Variants in SLC23A3 observed in about 807,000 individuals in gnomAD.
SLC23A3 encodes E2-binding protein 3.
A neutral mutation model predicts 64.7 loss-of-function variants in SLC23A3; 41 were observed. That is an observed-to-expected ratio of 0.63 (90% CI 0.49 to 0.82). SLC23A3 has a LOEUF of 0.82. SLC23A3 is among the 40% of genes least tolerant of loss of function. The probability of loss-of-function intolerance (pLI) is 0.00; values close to 1 mark genes in which losing one functional copy is unlikely to be tolerated. For synonymous variants in SLC23A3, 281 were observed against 306.8 expected (o/e 0.92, Z 0.88); for missense variants, 647 against 733.4 (o/e 0.88, Z 1.36).
Position 219,162,021 on chromosome 2 carries a change from G to A in SLC23A3, c.1721C>T (p.Pro574Leu). Residue 574 changes from proline (P) to leucine (L), a missense_variant, in exon 12 of 12, where the codon CCT becomes CTT. Physicochemically the swap from Pro to Leu is moderately conservative, Grantham distance 98. Transcript: ENST00000409878. ...AGAGGAGCCTCCTTCCTCATCCCCA[G>A]GGTCTTCAGGCAGTGGGCAGAGGCA... ...LHCLCPLPEDPGDEEGGSSEP... is the reference protein window; with the variant it reads ...LHCLCPLPEDLGDEEGGSSEP... 1 of 1,614,174 alleles carries A rather than the reference G, an allele frequency of 6.2e-7. No homozygotes were observed. The highest frequency in any genetic ancestry group is 8.5e-7 in the Non-Finnish European group (1 of 1,180,022).
Position 219,165,159 on chromosome 2 carries a change from G to T in SLC23A3, c.1167+10C>A. On this transcript the variant is annotated intron_variant, in intron 8 of 11. Coordinates refer to ENST00000409878, the MANE Select transcript of SLC23A3 (RefSeq NM_001144889.2). ...CCATCCTACCCCACTCCCATCCCAG[G>T]TCCACGTACCTGGATAAGACCCACT... The T allele has an allele frequency of 6.4e-7, 1 of 1,551,324 alleles. No homozygotes were observed. The highest frequency in any genetic ancestry group is 1.2e-5 in the South Asian group (1 of 84,004).
At chr2:219,165,687 T>C (rs751806202) in intron 7 of SLC23A3, among the ~76,000 whole-genome samples, 3 of 149,456 alleles carry the variant, frequency 2.0e-5, no homozygotes, top group Non-Finnish European at 4.4e-5. Context: ...ACACTGGCCT[T>C]GTTGTAGGCC....
chr2:219,162,227 G>T, intron 11 of SLC23A3, 23 bp from the exon 12 acceptor site: 1 of 1,612,756 alleles, frequency 6.2e-7, no homozygotes, highest in Non-Finnish European at 8.5e-7. Flanking sequence ...GGTTTGTCAG[G>T]CTATTGCCCA....
At chr2:219,165,589 G>T (rs1949998115) in intron 7 of SLC23A3, among the ~76,000 whole-genome samples, 167 bp from the exon 8 acceptor site, 1 of 152,192 alleles carries the variant, frequency 6.6e-6, no homozygotes, top group Non-Finnish European at 1.5e-5. Flanking sequence ...CTTTACCATG[G>T]TCTACAAGGT....
intron 8 of SLC23A3, 147 bp from the exon 9 acceptor site, chr2:219,164,485 C>T (rs1949984863): frequency 1.7e-6 from 1 of 590,794 alleles, no homozygotes; most frequent in African/African-American, 1.9e-5. Flanking sequence ...CTAAACGTGC[C>T]TCCTTTCCAT....
Position 219,163,438 on chromosome 2 carries a change from GC to G in SLC23A3, c.1390del (p.Ala464ProfsTer30). On this transcript the variant is annotated frameshift_variant, in exon 10 of 12. Coordinates refer to ENST00000409878, the MANE Select transcript of SLC23A3 (RefSeq NM_001144889.2). LOFTEE classifies it high-confidence loss of function. ...IFIVGFSIFM[A>X]LLLPRWFREA... ...CCGAAACCATCTTGGCAGCAGCAAG[GC>G]CATGAAGATGGAGAAGCCCACAATG... is the stretch of plus-strand genomic sequence containing the variant. 1 of 1,614,194 alleles carries G rather than the reference GC, an allele frequency of 6.2e-7. No individual in the cohort carries two copies.
Position 219,168,048 on chromosome 2 carries a change from A to G in SLC23A3, c.799-4T>C, listed in dbSNP as rs774944507. On this transcript the variant is annotated splice_region_variant and splice_polypyrimidine_tract_variant and intron_variant, in intron 6 of 11. Coordinates refer to ENST00000409878, the MANE Select transcript of SLC23A3 (RefSeq NM_001144889.2). The stretch of plus-strand genomic sequence containing the variant: ...CACAGGCCACTGGGATCAGCACCTG[A>G]GGGGCGAGACTGAGAAAAGAACTCC... 102 of 1,576,652 alleles carry G rather than the reference A, an allele frequency of 6.5e-5. No individual in the cohort carries two copies. Among genetic ancestry groups the G allele is most frequent in the Non-Finnish European group, 8.5e-5 (99 of 1,165,352 alleles).
intron 11 of SLC23A3, 32 bp from the exon 12 acceptor site, chr2:219,162,236 C>T: frequency 6.2e-7 from 1 of 1,612,956 alleles, no homozygotes; most frequent in Non-Finnish European, 8.5e-7. Flanking sequence ...GGCTATTGCC[C>T]ATCCCAGGGA....
chr2:219,168,097 C>T, intron 6 of SLC23A3, 53 bp from the exon 7 acceptor site: 2 of 1,570,506 alleles, frequency 1.3e-6, no homozygotes, highest in Non-Finnish European at 1.7e-6. Context: ...TCTGAGCCAG[C>T]CTTGCAGGGG....
chr2:219,168,526 C>A, intron 5 of SLC23A3, 126 bp downstream of exon 5: 2 of 1,162,298 alleles, frequency 1.7e-6, no homozygotes, highest in South Asian at 1.6e-5. Flanking sequence ...GTCTTGGATT[C>A]CAAATATAAA....
chr2:219,163,475 G>T lies in SLC23A3; in HGVS notation c.1354C>A (p.Arg452=), dbSNP rs368233276. 6.2e-7 allele frequency: 1 copy of T among 1,614,002 alleles called. No individual in the cohort carries two copies. Among genetic ancestry groups the T allele is most frequent in the South Asian group, 1.1e-5 (1 of 91,092 alleles). Residue 452 remains arginine (R), a synonymous_variant, in exon 10 of 12, where the codon CGA becomes AGA. Coordinates refer to ENST00000409878, the MANE Select transcript of SLC23A3 (RefSeq NM_001144889.2). Reference sequence around the variant, plus strand: ...GAGAAGCCCACAATGAAGATATTTCGCCCAGAGTCTATGTCAGCCAGGTAG... The same window carrying T: ...GAGAAGCCCACAATGAAGATATTTCTCCCAGAGTCTATGTCAGCCAGGTAG... ...SFYLADIDSG[R]NIFIVGFSIF... is the part of the protein sequence containing the mutation.
In SLC23A3 at chr2:219,167,976, T is replaced by C; in HGVS notation, c.867A>G (p.Glu289=). 6.3e-7 allele frequency: 1 copy of C among 1,590,052 alleles called. No individual in the cohort carries two copies. Residue 289 remains glutamate, a synonymous_variant, in exon 7 of 12, where the codon GAA becomes GAG. Transcript: ENST00000409878. The part of the protein sequence containing the change: ...AFVGFSVIPQ[E]LSAPTKAPWI... ...ATGGTGCCTTGGTGGGGGCAGACAGTTCCTGGGGGATAACACTGAATCCCA... is the reference window on the plus strand; with the variant it reads ...ATGGTGCCTTGGTGGGGGCAGACAGCTCCTGGGGGATAACACTGAATCCCA...
chr2:219,162,185 G>A lies in SLC23A3; in HGVS notation c.1557C>T (p.Gly519=), dbSNP rs1393125735. 6.2e-7 allele frequency: 1 copy of A among 1,611,316 alleles called. No individual in the cohort carries two copies. ...NTIPGTQLER[G]LGQGLPSPFT... ...AAGGAGATGGTAGCCCTTGACCTAG[G>A]CCTCGCTCAAGCTGTGTGCCTGCAA... Residue 519 remains glycine, a synonymous_variant, in exon 12 of 12, where the codon GGC becomes GGT. Transcript: ENST00000409878.
In SLC23A3 at chr2:219,169,246, C is replaced by T. The variant is rs745736993; in HGVS notation, c.418+63G>A. The T allele has an allele frequency of 1.1e-5, 17 of 1,613,382 alleles. No homozygotes were observed. The East Asian group carries it at 3.3e-4, about 32-fold the overall frequency. On this transcript the variant is annotated intron_variant, in intron 3 of 11. Coordinates refer to ENST00000409878, the MANE Select transcript of SLC23A3 (RefSeq NM_001144889.2). This position sits in a 1 kb window ranked among gnomAD's most constrained non-coding sequence, Gnocchi z 4.5. ...CCAATCTCAATTCTGCACCCACCTA[C>T]ACCTGCATGCTCAGATGAGAACCCA...
chr2:219,162,253 G>A (rs1949953115), intron 11 of SLC23A3, 46 bp downstream of exon 11: 1 of 1,613,076 alleles, frequency 6.2e-7, no homozygotes, highest in Non-Finnish European at 8.5e-7. Context: ...GGGAGGGATG[G>A]CTTCCTGGCC....
At chr2:219,162,617 C>G (rs1210787027) in intron 10 of SLC23A3, among the ~76,000 whole-genome samples, 1 of 152,178 alleles carries the variant, frequency 6.6e-6, no homozygotes, top group African/African-American at 2.4e-5. Context: ...CATCCACACA[C>G]CCTCCATATA....
Position 219,165,211 on chromosome 2 carries a change from A to G in SLC23A3, c.1125T>C (p.Thr375=). ...TGCCCACGTTGGGGAAGCTGGATGC[A>G]GTGCCCATGGGGCTTCCCAGCAGCC... The part of the protein sequence containing the change: ...LAGLLGSPMG[T]ASSFPNVGKV... Residue 375 remains threonine, a synonymous_variant, in exon 8 of 12, where the codon ACT becomes ACC. Coordinates refer to ENST00000409878, the MANE Select transcript of SLC23A3 (RefSeq NM_001144889.2). 5 of 1,551,844 alleles carry G rather than the reference A, an allele frequency of 3.2e-6. No individual in the cohort carries two copies. The highest frequency in any genetic ancestry group is 4.4e-6 in the Non-Finnish European group (5 of 1,147,056).
rs764540758 is a variant in SLC23A3 at position 219,168,205 on chromosome 2, C to G, written c.788G>C (p.Arg263Pro). ...CAGACCCACACATACCGAAAGGAGC[C>G]GGAAGACAGGGAGAGGAGTGTGAGT... ...SSTHTPLPVF[R>P]LLSVLIPVAC... is the part of the protein sequence containing the mutation. Residue 263 changes from arginine (R) to proline (P), a missense_variant, in exon 6 of 12, where the codon CGG (arginine) becomes CCG (proline). Coordinates refer to ENST00000409878, the MANE Select transcript of SLC23A3 (RefSeq NM_001144889.2). The G allele has an allele frequency of 6.2e-7, 1 of 1,613,910 alleles. No homozygotes were observed. The highest frequency in any genetic ancestry group is 8.5e-7 in the Non-Finnish European group (1 of 1,179,902).
Position 219,161,798 on chromosome 2 carries a change from G to T in SLC23A3, c.*111C>A. ...AAATGGAACCTCTAGACAGTCCCAT[G>T]TAATACACACACACATATCCTCTGC... On this transcript the variant is annotated 3_prime_UTR_variant, in exon 12 of 12. Coordinates refer to ENST00000409878, the MANE Select transcript of SLC23A3 (RefSeq NM_001144889.2). The T allele has an allele frequency of 8.1e-7, 1 of 1,238,524 alleles. No individual in the cohort carries two copies. The highest frequency in any genetic ancestry group is 1.1e-6 in the Non-Finnish European group (1 of 889,098). 76.7% of individuals were successfully genotyped at this position (1,238,524 alleles called of 1,614,324 possible). A position where few individuals can be genotyped will look rare whatever the true frequency, so the allele number is the denominator to read the frequency against.
Sources: gnomAD v4.1 joint callset for allele counts (sites outside exome capture counted in the v4.1 genomes callset) on GRCh38, gnomAD v4.1.1 for gene constraint, Gnocchi (gnomAD v3.1) non-coding constraint, MANE v1.5 for transcripts, NCBI Gene and HGNC (gene_info 2026-07-23, HGNC 2026-07-21) for gene names.